LYRM4: variants seen among roughly 807,000 people sequenced by gnomAD.
The protein encoded by LYRM4 is LYR motif-containing protein 4.
In LYRM4, 9 loss-of-function variants were observed where a neutral mutation model predicts 11.7. The ratio of observed to expected loss-of-function variants is 0.77; its 90% CI spans 0.46 to 1.34. LYRM4 has a LOEUF of 1.34. Among genes scored for constraint, LYRM4 ranks in the 40% most tolerant of loss-of-function variants. LYRM4 has a pLI of 0.00. For missense variants in LYRM4, 133 were observed against 112.5 expected (o/e 1.18, Z -0.82); for synonymous variants, 42 against 40.4 (o/e 1.04, Z -0.15).
At chr6:5,085,425 G>A in the LYRM4 span, 2 of 1,258,862 alleles carry the variant, frequency 1.6e-6, no homozygotes, top group Admixed American at 4.7e-5. Context: ...GGCCCGAGGA[G>A]TTAGTTAAGT....
the LYRM4 span, chr6:5,032,347 T>C: frequency 6.6e-6 from 1 of 152,254 alleles, no homozygotes; most frequent in Non-Finnish European, 1.5e-5. Context: ...TACTTTTTAG[T>C]TTTAATAGCT....
rs190809495 is a variant in LYRM4 at position 5,117,437 on chromosome 6, C to T, written c.208-7946G>A. Among the ~76,000 whole-genome samples the T allele has an allele frequency of 3.4e-4, 52 of 152,086 alleles. 1 individual carries two copies. Among genetic ancestry groups the T allele is most frequent in the Admixed American group, 2.3e-3 (35 of 15,282 alleles). On this transcript the variant is annotated intron_variant, in intron 2 of 2. Transcript: ENST00000330636. The stretch of plus-strand genomic sequence containing the variant: ...GGGTGTGATGGTGTGCGCCTGTAAT[C>T]GCAGCTACTCGGGAGGCTGAGGCAG...
intron 2 of LYRM4, among the ~76,000 whole-genome samples, chr6:5,153,384 C>A (rs759235116): frequency 2.0e-5 from 3 of 152,234 alleles, no homozygotes; most frequent in African/African-American, 4.8e-5. Flanking sequence ...AACCACCACA[C>A]CTGGCGCCCT....
At chr6:5,167,908 GA>G (rs767987267) in intron 2 of LYRM4, among the ~76,000 whole-genome samples, 13 of 151,174 alleles carry the variant, frequency 8.6e-5, no homozygotes, top group Non-Finnish European at 1.5e-4. Context: ...ATACTACCGG[GA>G]AAAGACAAAG....
chr6:5,098,588 G>A, the LYRM4 span, among the ~76,000 whole-genome samples: 19 of 152,188 alleles, frequency 1.2e-4, no homozygotes, highest in South Asian at 2.1e-4. Flanking sequence ...CAGGAGACAC[G>A]CACAAGAATA....
At chr6:5,238,321 T>C (rs1763671948) in intron 1 of LYRM4, among the ~76,000 whole-genome samples, 1 of 152,178 alleles carries the variant, frequency 6.6e-6, no homozygotes, top group Non-Finnish European at 1.5e-5. Context: ...GATGGTAAGG[T>C]TCACAGGGCA....
At chr6:5,245,116 ATATATATATATAT>A (rs1764119303) in intron 1 of LYRM4, among the ~76,000 whole-genome samples, 7 of 14,720 alleles carry the variant, frequency 4.8e-4, no homozygotes, top group African/African-American at 6.1e-4. Context: ...AAAAAAAAAT[ATATATATATATAT>A]ATATATATAT....
At chr6:5,251,238 T>A (rs1192077877) in intron 1 of LYRM4, among the ~76,000 whole-genome samples, 1 of 152,230 alleles carries the variant, frequency 6.6e-6, no homozygotes, top group Non-Finnish European at 1.5e-5. Flanking sequence ...TGTTGATTTG[T>A]CTCCAGAAGA....
At chr6:5,159,912 G>A (rs1443164371) in intron 2 of LYRM4, among the ~76,000 whole-genome samples, 3 of 152,134 alleles carry the variant, frequency 2.0e-5, no homozygotes, top group Admixed American at 1.3e-4. Context: ...CCTTGTCTAT[G>A]CCTTTCTCAT....
chr6:5,061,457 T>TA, the LYRM4 span, among the ~76,000 whole-genome samples: 9 of 152,158 alleles, frequency 5.9e-5, no homozygotes, highest in Admixed American at 2.0e-4. Flanking sequence ...AATTGTAAAA[T>TA]AAAAAAGGTT....
chr6:5,159,348 G>C (rs187002778), intron 2 of LYRM4, among the ~76,000 whole-genome samples: 188 of 152,362 alleles, frequency 1.2e-3, no homozygotes, highest in African/African-American at 4.4e-3. Flanking sequence ...GTCATAGTGA[G>C]AGGGAAGCCA....
chr6:5,123,055 A>G (rs1419695268), intron 2 of LYRM4, among the ~76,000 whole-genome samples: 1 of 152,170 alleles, frequency 6.6e-6, no homozygotes, highest in Non-Finnish European at 1.5e-5. Flanking sequence ...TCGGTATACC[A>G]ACATACCCAA....
the LYRM4 span, among the ~76,000 whole-genome samples, chr6:5,056,230 T>G: frequency 2.0e-5 from 3 of 152,224 alleles, no homozygotes; most frequent in Non-Finnish European, 4.4e-5. Flanking sequence ...CATATCTACT[T>G]CTGCATTCAA....
chr6:5,203,283 C>T (rs548935042), intron 2 of LYRM4, among the ~76,000 whole-genome samples: 2 of 152,296 alleles, frequency 1.3e-5, no homozygotes, highest in East Asian at 1.9e-4. Flanking sequence ...CACCATTCTA[C>T]GCACATGGGT....
At chr6:5,120,413 T>C (rs1763383938) in intron 2 of LYRM4, among the ~76,000 whole-genome samples, 1 of 152,188 alleles carries the variant, frequency 6.6e-6, no homozygotes, top group Admixed American at 6.5e-5. Context: ...GGGTTCGTGG[T>C]CTCTCTGACT....
Position 5,205,975 on chromosome 6 carries a change from C to T in LYRM4, c.207+10643G>A, listed in dbSNP as rs79393502. 6.0e-3 allele frequency among the ~76,000 whole-genome samples: 919 copies of T among 152,284 alleles called. 11 individuals carry two copies. The highest frequency in any genetic ancestry group is 0.044 in the South Asian group (210 of 4,822). ...CTCCAGGCTTTTCTCAAACAGGCCCCGCTGCTGGAGCCGACCGTGAAGAAC... is the reference window on the plus strand; with the variant it reads ...CTCCAGGCTTTTCTCAAACAGGCCCTGCTGCTGGAGCCGACCGTGAAGAAC... On this transcript the variant is annotated intron_variant, in intron 2 of 2. Transcript: ENST00000330636.
chr6:5,070,699 G>A, the LYRM4 span, among the ~76,000 whole-genome samples: 1 of 151,652 alleles, frequency 6.6e-6, no homozygotes, highest in Non-Finnish European at 1.5e-5. Context: ...AACATAGCAA[G>A]ACACCATCTA....
intron 1 of LYRM4, among the ~76,000 whole-genome samples, chr6:5,246,134 T>C (rs1019023282): frequency 1.3e-5 from 2 of 152,056 alleles, no homozygotes; most frequent in African/African-American, 4.8e-5. Flanking sequence ...GAATAAAAAT[T>C]TGCTAATAAG....
At chr6:5,184,689 C>T (rs393454) in intron 2 of LYRM4, among the ~76,000 whole-genome samples, 50,371 of 151,974 alleles carry the variant, frequency 0.33, 9,390 homozygotes, top group African/African-American at 0.52. Flanking sequence ...GCTCATATGC[C>T]CTGCACTGTA....
Sources: gnomAD v4.1 joint callset for allele counts (sites outside exome capture counted in the v4.1 genomes callset) on GRCh38, gnomAD v4.1.1 for gene constraint, MANE v1.5 for transcripts, NCBI Gene and HGNC (gene_info 2026-07-23, HGNC 2026-07-21) for gene names.